The following LYN variants were observed in gnomAD, a reference collection of about 807,000 sequenced individuals.
LYN encodes the protein LYN proto-oncogene, Src family tyrosine kinase.
A neutral mutation model predicts 65.0 loss-of-function variants in LYN; 12 were observed. The observed-to-expected ratio is 0.18, with a 90% CI of 0.12 to 0.30. The LOEUF (loss-of-function observed/expected upper bound fraction) is 0.30. Ranked by LOEUF, LYN falls within the 10% of genes least tolerant of loss-of-function variation. The probability of loss-of-function intolerance (pLI) is 1.00; values close to 1 mark genes in which losing one functional copy is unlikely to be tolerated. For missense variants in LYN, 380 were observed against 623.2 expected (o/e 0.61, Z 4.16); for synonymous variants, 222 against 221.2 (o/e 1.00, Z -0.03).
At chr8:55,982,494 G>C (rs1471918839) in intron 10 of LYN, among the ~76,000 whole-genome samples, 1 of 152,106 alleles carries the variant, frequency 6.6e-6, no homozygotes, top group Non-Finnish European at 1.5e-5. Flanking sequence ...GGAGCTGTAC[G>C]GCTTGATCTT....
rs1056015897 is a variant in LYN at position 55,994,805 on chromosome 8, A to G, written c.1051-3541A>G. Among the ~76,000 whole-genome samples the G allele has an allele frequency of 2.6e-5, 4 of 152,258 alleles. 1 individual carries two copies. The highest frequency in any genetic ancestry group is 4.1e-4 in the South Asian group (2 of 4,830). On this transcript the variant is annotated intron_variant, in intron 10 of 12. Coordinates refer to ENST00000519728, the MANE Select transcript of LYN (RefSeq NM_002350.4). ...AAGAATTTTTAAAGGCTGCACTACCATGGAGTGGAGCCGGGAGGCTGGGAC... is the reference window on the plus strand; with the variant it reads ...AAGAATTTTTAAAGGCTGCACTACCGTGGAGTGGAGCCGGGAGGCTGGGAC...
At chr8:55,943,425 A>C (rs1176751620) in intron 2 of LYN, among the ~76,000 whole-genome samples, 2 of 151,774 alleles carry the variant, frequency 1.3e-5, no homozygotes, top group Non-Finnish European at 2.9e-5. Flanking sequence ...AAAGTACAAA[A>C]ATTAGCCGGG....
intron 10 of LYN, among the ~76,000 whole-genome samples, chr8:55,976,287 A>G (rs1035426205): frequency 2.7e-5 from 4 of 148,886 alleles, no homozygotes; most frequent in African/African-American, 1.0e-4. Flanking sequence ...AGATCACACC[A>G]CTACATTCCA....
rs1481454138 is a variant in LYN, at chr8:56,013,905, A to G, written c.*3795A>G. ...CATTTTAACTCCACGAATATTTTAG[A>G]TTAAGTGAAGTCTTGCTGTTCTTCC... On this transcript the variant is annotated 3_prime_UTR_variant, in exon 13 of 13. Coordinates refer to ENST00000519728, the MANE Select transcript of LYN (RefSeq NM_002350.4). The G allele has an allele frequency of 6.6e-6, 1 of 152,234 alleles. No homozygotes were observed. Among genetic ancestry groups the G allele is most frequent in the Non-Finnish European group, 1.5e-5 (1 of 68,050 alleles). 9.4% of individuals were successfully genotyped at this position (152,234 alleles called of 1,614,324 possible).
intron 1 of LYN, among the ~76,000 whole-genome samples, chr8:55,931,985 C>A (rs1806284513): frequency 6.6e-6 from 1 of 152,056 alleles, no homozygotes; most frequent in East Asian, 1.9e-4. Flanking sequence ...TTGTAAGTGA[C>A]CAAATCATTT....
intron 1 of LYN, among the ~76,000 whole-genome samples, chr8:55,936,380 C>G (rs12680741): frequency 6.6e-6 from 1 of 152,118 alleles, no homozygotes; most frequent in Non-Finnish European, 1.5e-5. Context: ...TGGCTCATTC[C>G]TATAATCCCA....
Position 55,922,426 on chromosome 8 carries a change from A to C in LYN, c.-5-19429A>C, listed in dbSNP as rs118093849. Among the ~76,000 whole-genome samples, 598 of 151,336 alleles carry C rather than the reference A, an allele frequency of 4.0e-3. 4 individuals carry two copies. Among genetic ancestry groups the C allele is most frequent in the Middle Eastern group, 0.01 (3 of 294 alleles). Reference sequence around the variant, plus strand: ...TTTAAAGCCTGGTTCTATGTGTGCCAGTGTATTAATTTATCTAATCAGGTA... The same window carrying C: ...TTTAAAGCCTGGTTCTATGTGTGCCCGTGTATTAATTTATCTAATCAGGTA... On this transcript the variant is annotated intron_variant, in intron 1 of 12. Transcript: ENST00000519728.
intron 10 of LYN, among the ~76,000 whole-genome samples, chr8:55,995,127 T>C (rs1225749015): frequency 6.6e-6 from 1 of 152,142 alleles, no homozygotes; most frequent in Admixed American, 6.6e-5. Flanking sequence ...TCTGTTTCAG[T>C]AGTGCCCACT....
intron 1 of LYN, chr8:55,893,555 G>A (rs543375565): frequency 6.6e-6 from 1 of 152,132 alleles, no homozygotes; most frequent in Non-Finnish European, 1.5e-5. Flanking sequence ...TTTTGTTGGG[G>A]GTGACAGAGA....
chr8:55,957,153 T>C (rs1807142187), intron 8 of LYN, among the ~76,000 whole-genome samples: 1 of 151,616 alleles, frequency 6.6e-6, no homozygotes, highest in Admixed American at 6.6e-5. Flanking sequence ...TTCCCTAGCC[T>C]CAGTTTCCAC....
intron 1 of LYN, among the ~76,000 whole-genome samples, chr8:55,889,056 C>T (rs1429099353): frequency 6.6e-6 from 1 of 152,270 alleles, no homozygotes; most frequent in South Asian, 2.1e-4. Context: ...CTCACTCTGT[C>T]GCCCAGGCTG....
intron 9 of LYN, among the ~76,000 whole-genome samples, chr8:55,968,123 T>C (rs1807512966): frequency 6.6e-6 from 1 of 152,194 alleles, no homozygotes; most frequent in South Asian, 2.1e-4. Flanking sequence ...GGTTGCCATA[T>C]ATAGCCCAGA....
At chr8:55,881,342 G>T (rs1245682228) in intron 1 of LYN, among the ~76,000 whole-genome samples, 1 of 152,160 alleles carries the variant, frequency 6.6e-6, no homozygotes, top group Non-Finnish European at 1.5e-5. Flanking sequence ...TAAAGAACTA[G>T]CCAATAAACT....
intron 1 of LYN, among the ~76,000 whole-genome samples, chr8:55,880,810 G>C (rs1324413911): frequency 6.6e-6 from 1 of 152,228 alleles, no homozygotes; most frequent in African/African-American, 2.4e-5. Context: ...CTTCGCCTTG[G>C]GGGAAGGGCG....
chr8:55,959,992 G>A (rs2668020), intron 8 of LYN, among the ~76,000 whole-genome samples: 49,544 of 152,052 alleles, frequency 0.33, 8,460 homozygotes, highest in African/African-American at 0.44. Flanking sequence ...GTAGATGACT[G>A]GTTGCCTAGG....
At chr8:55,986,053 C>T (rs1808064622) in intron 10 of LYN, among the ~76,000 whole-genome samples, 1 of 151,942 alleles carries the variant, frequency 6.6e-6, no homozygotes, top group Non-Finnish European at 1.5e-5. Context: ...CCTGTGGTCC[C>T]AGTTACTCAG....
chr8:55,960,182 A>G (rs1266619479), intron 8 of LYN, among the ~76,000 whole-genome samples: 1 of 152,250 alleles, frequency 6.6e-6, no homozygotes, highest in African/African-American at 2.4e-5. Flanking sequence ...TTATATTTCA[A>G]TAAAGCTGGC....
rs780403845 is a variant in LYN at position 56,012,053 on chromosome 8, C to T, written c.*1943C>T. 13 of 190,616 alleles carry T rather than the reference C, an allele frequency of 6.8e-5. No homozygotes were observed. Among genetic ancestry groups the T allele is most frequent in the Admixed American group, 1.8e-4 (3 of 16,280 alleles). The allele number at this position is 190,616 out of a possible 1,614,324, so 11.8% of individuals were successfully genotyped here. ...CCTTGTTTTGCTTCTCCCAGTTCCT[C>T]CTCTTCTTGCCATTTTCCACTTGTC... On this transcript the variant is annotated 3_prime_UTR_variant, in exon 13 of 13. Transcript: ENST00000519728.
intron 1 of LYN, among the ~76,000 whole-genome samples, chr8:55,902,014 T>G (rs993590303): frequency 7.2e-5 from 9 of 124,680 alleles, no homozygotes; most frequent in African/African-American, 2.4e-4. Flanking sequence ...ACCTGTACTT[T>G]CTTTTTTTTT....
Sources: allele counts gnomAD v4.1 joint callset (sites outside exome capture counted in the v4.1 genomes callset), GRCh38; gene constraint gnomAD v4.1.1; transcripts MANE v1.5; gene names NCBI Gene and HGNC (gene_info 2026-07-23, HGNC 2026-07-21).